The following GPC6 variants were observed in gnomAD, a reference collection of about 807,000 sequenced individuals.
GPC6 encodes glypican-6.
In GPC6, 14 loss-of-function variants were observed where a neutral mutation model predicts 55.2. The observed-to-expected ratio is 0.25, with a 90% CI of 0.17 to 0.40. The LOEUF (loss-of-function observed/expected upper bound fraction) is 0.40. Ranked by LOEUF, GPC6 falls within the 10% of genes least tolerant of loss-of-function variation. GPC6 has a pLI of 1.00. For synonymous variants in GPC6, 278 were observed against 259.6 expected (o/e 1.07, Z -0.68); for missense variants, 641 against 708.5 (o/e 0.90, Z 1.08).
intron 2 of GPC6, among the ~76,000 whole-genome samples, chr13:93,612,959 A>G (rs1878549251): frequency 6.6e-6 from 1 of 152,174 alleles, no homozygotes; most frequent in Non-Finnish European, 1.5e-5. Flanking sequence ...AGACCTTTAA[A>G]TGACTGTTAT....
chr13:94,127,191 T>C (rs769347124), intron 4 of GPC6, among the ~76,000 whole-genome samples: 1 of 151,898 alleles, frequency 6.6e-6, no homozygotes, highest in Non-Finnish European at 1.5e-5. Flanking sequence ...TGAAGGAGAG[T>C]TTGCATCCAT....
At chr13:94,083,111 T>A (rs924497315) in intron 4 of GPC6, among the ~76,000 whole-genome samples, 4 of 152,160 alleles carry the variant, frequency 2.6e-5, no homozygotes, top group African/African-American at 9.7e-5. Flanking sequence ...CTCAAGGTTT[T>A]TTTGTTTTCT....
intron 2 of GPC6, among the ~76,000 whole-genome samples, chr13:93,563,063 T>C (rs918192677): frequency 6.6e-6 from 1 of 152,236 alleles, no homozygotes; most frequent in Non-Finnish European, 1.5e-5. Context: ...CTCAGGCAAC[T>C]CTACCATTAT....
At chr13:93,415,297 A>G (rs934965186) in intron 1 of GPC6, among the ~76,000 whole-genome samples, 5 of 152,134 alleles carry the variant, frequency 3.3e-5, no homozygotes, top group Admixed American at 2.6e-4. Flanking sequence ...TCATATATAT[A>G]TAACAACCAT....
intron 4 of GPC6, among the ~76,000 whole-genome samples, chr13:94,215,865 A>G (rs1890210999): frequency 6.6e-6 from 1 of 152,168 alleles, no homozygotes; most frequent in African/African-American, 2.4e-5. Flanking sequence ...CAAAAAGAAA[A>G]GGGGTACATT....
At chr13:94,180,651 C>T (rs1344268971) in intron 4 of GPC6, among the ~76,000 whole-genome samples, 1 of 152,016 alleles carries the variant, frequency 6.6e-6, no homozygotes, top group Non-Finnish European at 1.5e-5. Flanking sequence ...TTGTCCTTAG[C>T]AATTTTCTTT....
chr13:93,807,095 A>AT (rs1886564918), intron 2 of GPC6, among the ~76,000 whole-genome samples: 1 of 152,120 alleles, frequency 6.6e-6, no homozygotes, highest in Non-Finnish European at 1.5e-5. Context: ...CAAACTTTTG[A>AT]TTTATCTTTT....
intron 1 of GPC6, among the ~76,000 whole-genome samples, chr13:93,475,571 G>A (rs1879273507): frequency 1.3e-5 from 2 of 152,164 alleles, no homozygotes; most frequent in African/African-American, 4.8e-5. Flanking sequence ...AACCAGATAT[G>A]CAAAGAGAGG....
At position 94,288,928 on chromosome 13, in the gene GPC6, A is replaced by AAG. The variant is rs1231130133; in HGVS notation, c.1008+2450_1008+2451insGA. Among the ~76,000 whole-genome samples the AAG allele has an allele frequency of 3.2e-3, 367 of 113,852 alleles. 3 individuals carry two copies. Among genetic ancestry groups the AAG allele is most frequent in the African/African-American group, 0.015 (347 of 22,582 alleles). 74.7% of individuals were successfully genotyped at this position (113,852 alleles called of 152,430 possible). A position where few individuals can be genotyped will look rare whatever the true frequency, so the allele number is the denominator to read the frequency against. On this transcript the variant is annotated intron_variant, in intron 5 of 8. Transcript: ENST00000377047. ...ATATATATTTGTTATATATATAACA[A>AAG]ATATAGATAGATAGATAGATAGATA...
chr13:94,032,221 C>T (rs1224000427), intron 4 of GPC6, among the ~76,000 whole-genome samples: 1 of 152,138 alleles, frequency 6.6e-6, no homozygotes, highest in Non-Finnish European at 1.5e-5. Flanking sequence ...ATTGGGTAAG[C>T]TAGGCATATA....
At chr13:94,119,561 C>T (rs1201646717) in intron 4 of GPC6, among the ~76,000 whole-genome samples, 3 of 152,078 alleles carry the variant, frequency 2.0e-5, no homozygotes, top group East Asian at 1.9e-4. Flanking sequence ...AGGTAAGAAT[C>T]GTTTCTCCAA....
intron 3 of GPC6, among the ~76,000 whole-genome samples, chr13:94,010,941 T>A (rs184412342): frequency 6.6e-6 from 1 of 152,258 alleles, no homozygotes; most frequent in Non-Finnish European, 1.5e-5. Flanking sequence ...TTGGCTACAA[T>A]AGAAATGGAC....
At chr13:93,625,174 A>C (rs549231087) in intron 2 of GPC6, among the ~76,000 whole-genome samples, 1 of 152,264 alleles carries the variant, frequency 6.6e-6, no homozygotes, top group South Asian at 2.1e-4. Flanking sequence ...GAGTTTATAC[A>C]ATGAGGATGA....
chr13:93,698,775 C>T (rs1485635199), intron 2 of GPC6, among the ~76,000 whole-genome samples: 1 of 151,942 alleles, frequency 6.6e-6, no homozygotes, highest in Non-Finnish European at 1.5e-5. Context: ...CTTTCACAAT[C>T]CTTCTTTTCC....
At chr13:93,254,025 G>A (rs1292614415) in intron 1 of GPC6, among the ~76,000 whole-genome samples, 3 of 152,064 alleles carry the variant, frequency 2.0e-5, no homozygotes, top group South Asian at 2.1e-4. Flanking sequence ...GTATATGATC[G>A]TGCTGTGTAT....
At chr13:93,836,721 A>G (rs1887745396) in intron 3 of GPC6, among the ~76,000 whole-genome samples, 3 of 152,154 alleles carry the variant, frequency 2.0e-5, no homozygotes, top group Non-Finnish European at 4.4e-5. Flanking sequence ...AGTACTTTGC[A>G]CTTGATAAAT....
chr13:93,888,215 G>T (rs972128692), intron 3 of GPC6, among the ~76,000 whole-genome samples: 2 of 152,084 alleles, frequency 1.3e-5, no homozygotes, highest in South Asian at 4.1e-4. Context: ...GCACTTTTTT[G>T]ATCAACTTCC....
intron 1 of GPC6, among the ~76,000 whole-genome samples, chr13:93,468,212 A>G (rs982206000): frequency 6.6e-5 from 10 of 152,230 alleles, no homozygotes; most frequent in Non-Finnish European, 1.0e-4. Flanking sequence ...AATATCTTCA[A>G]TTACTGGTCT....
chr13:93,310,147 G>A (rs748525913), intron 1 of GPC6, among the ~76,000 whole-genome samples: 3 of 152,144 alleles, frequency 2.0e-5, no homozygotes, highest in Non-Finnish European at 4.4e-5. Flanking sequence ...AGTCTTTCTT[G>A]TAAATGGTGA....
Sources: gnomAD v4.1 joint callset for allele counts (sites outside exome capture counted in the v4.1 genomes callset) on GRCh38, gnomAD v4.1.1 for gene constraint, MANE v1.5 for transcripts, NCBI Gene and HGNC (gene_info 2026-07-23, HGNC 2026-07-21) for gene names.